Variants in STRN4 observed in about 807,000 individuals in gnomAD.
STRN4 encodes the protein striatin 4.
STRN4 carries 27 observed loss-of-function variants against 77.9 expected under a neutral mutation model. The ratio of observed to expected loss-of-function variants is 0.35; its 90% CI spans 0.26 to 0.48. The LOEUF is 0.48. STRN4 is among the 20% of genes least tolerant of loss of function. The pLI is 0.99. For missense variants in STRN4, 798 were observed against 1,049.7 expected, an observed-to-expected ratio of 0.76 and a Z score of 3.31; for synonymous variants, 466 against 443.1, an observed-to-expected ratio of 1.05 and a Z score of -0.65.
chr19:46,740,974 C>T (rs916424011), intron 1 of STRN4, among the ~76,000 whole-genome samples: 2 of 152,168 alleles, frequency 1.3e-5, no homozygotes, highest in South Asian at 4.1e-4. Context: ...TTAAGGAACT[C>T]TAAAAAAGGC....
intron 7 of STRN4, 109 bp from the exon 8 acceptor site, chr19:46,728,116 A>G (rs2054164189): frequency 1.9e-6 from 2 of 1,039,084 alleles, no homozygotes; most frequent in Admixed American, 2.0e-5. Flanking sequence ...TGGGGCTGTG[A>G]AGCTCTGGCC....
At position 46,733,593 on chromosome 19, in the gene STRN4, C is replaced by T. The variant is rs1166723872; in HGVS notation, c.540-357G>A. On this transcript the variant is annotated intron_variant, in intron 4 of 17. Transcript: ENST00000263280. This position sits in a 1 kb window ranked among gnomAD's most constrained non-coding sequence, Gnocchi z 4.3. ...CTTAAGGGAAGCTGGCCACGGTAAACAGCAGAACGAAAACGCTAAGTTCTA... is the reference window on the plus strand; with the variant it reads ...CTTAAGGGAAGCTGGCCACGGTAAATAGCAGAACGAAAACGCTAAGTTCTA... 4.2e-6 allele frequency: 1 copy of T among 239,784 alleles called. No individual in the cohort carries two copies. Among genetic ancestry groups the T allele is most frequent in the Admixed American group, 5.2e-5 (1 of 19,394 alleles). 14.9% of individuals were successfully genotyped at this position (239,784 alleles called of 1,614,324 possible). A position where few individuals can be genotyped will look rare whatever the true frequency, so the allele number is the denominator to read the frequency against.
intron 17 of STRN4, 37 bp downstream of exon 17, chr19:46,720,499 C>T (rs1046969729): frequency 3.2e-5 from 42 of 1,330,402 alleles, no homozygotes; most frequent in East Asian, 1.6e-4. Flanking sequence ...TAGGCATGGG[C>T]GTGCAGAGAC....
chr19:46,724,290 G>A (rs571270444), intron 12 of STRN4, among the ~76,000 whole-genome samples: 2 of 147,878 alleles, frequency 1.4e-5, no homozygotes, highest in Non-Finnish European at 3.0e-5. Flanking sequence ...GAGAACAGGG[G>A]GACAGATGTT....
intron 5 of STRN4, chr19:46,731,549 A>ATGCCC (rs898027322): frequency 6.5e-6 from 1 of 152,894 alleles, no homozygotes; most frequent in Non-Finnish European, 1.5e-5. Flanking sequence ...CATCAGGTTG[A>ATGCCC]TGCCCTGGAG....
intron 16 of STRN4, 196 bp from the exon 17 acceptor site, chr19:46,720,967 ATCCCCCAGCATT>A (rs1297885851): frequency 1.9e-5 from 9 of 475,830 alleles, no homozygotes; most frequent in Non-Finnish European, 2.7e-5. Flanking sequence ...AGTCCATCTC[ATCCCCCAGCATT>A]TCTTGAGCAG....
At chr19:46,726,527 G>A (rs946313677) in intron 9 of STRN4, among the ~76,000 whole-genome samples, 2 of 151,652 alleles carry the variant, frequency 1.3e-5, no homozygotes, top group Non-Finnish European at 2.9e-5. Context: ...AGGTTGAGAG[G>A]CCAGGAAGTC....
intron 14 of STRN4, 62 bp downstream of exon 14, chr19:46,722,748 G>A: frequency 6.3e-7 from 1 of 1,596,312 alleles, no homozygotes; most frequent in Non-Finnish European, 8.6e-7. Context: ...CAAAGCCCCA[G>A]GAGGAAGTGG....
At chr19:46,732,895 G>A (rs1179237084) in intron 5 of STRN4, 144 bp downstream of exon 5, 2 of 960,028 alleles carry the variant, frequency 2.1e-6, no homozygotes, top group African/African-American at 3.3e-5. Flanking sequence ...AGGGACTCAG[G>A]GTTTCAGAAC....
Position 46,724,944 on chromosome 19 carries a change from A to T in STRN4, c.1473-16T>A. Reference sequence around the variant, plus strand: ...CACTGGGCCCCTGGAAGGGACAAATATGTGGAAAGGGGGATGAGACAAGCT... The same window carrying T: ...CACTGGGCCCCTGGAAGGGACAAATTTGTGGAAAGGGGGATGAGACAAGCT... On this transcript the variant is annotated splice_polypyrimidine_tract_variant and intron_variant, in intron 11 of 17. Transcript: ENST00000263280. 1 of 1,613,762 alleles carries T rather than the reference A, an allele frequency of 6.2e-7. No individual in the cohort carries two copies. The highest frequency in any genetic ancestry group is 8.5e-7 in the Non-Finnish European group (1 of 1,179,998).
In STRN4 at chr19:46,737,654, G is replaced by A. The variant is rs1024959301; in HGVS notation, c.460+510C>T. ...CTGTGCTCTCTCCCCTGACTCTCCT[G>A]CTGGGGAACGGAGTCATCTTTCAAG... On this transcript the variant is annotated intron_variant, in intron 3 of 17. Coordinates refer to ENST00000263280, the MANE Select transcript of STRN4 (RefSeq NM_013403.3). Among the ~76,000 whole-genome samples, 7 of 151,754 alleles carry A rather than the reference G, an allele frequency of 4.6e-5. No individual in the cohort carries two copies. The East Asian group carries it at 1.4e-3, about 29-fold the overall frequency.
At chr19:46,729,151 C>T (rs1055784955) in intron 6 of STRN4, among the ~76,000 whole-genome samples, 1 of 152,190 alleles carries the variant, frequency 6.6e-6, no homozygotes, top group Non-Finnish European at 1.5e-5. Flanking sequence ...ATGAATGGAC[C>T]ACAGCATTGC....
rs1243082846 is a variant in STRN4 at position 46,746,389 on chromosome 19, G to GGCGGCGGCGGCGACC, written c.27_41dup (p.Val10_Ala14dup). 9.5e-5 allele frequency: 103 copies of GGCGGCGGCGGCGACC among 1,087,606 alleles called. No individual in the cohort carries two copies. In the African/African-American group the frequency reaches 1.0e-3, roughly 11 times the overall value. The allele number at this position is 1,087,606 out of a possible 1,614,324, so 67.4% of individuals were successfully genotyped here. ...CTGAGCCGAGCGGACGGCAGGAGGA[G>GGCGGCGGCGGCGACC]GCGGCGGCGGCGACCGCGGCGGCCG... On this transcript the variant is annotated inframe_insertion, in exon 1 of 18. Coordinates refer to ENST00000263280, the MANE Select transcript of STRN4 (RefSeq NM_013403.3).
At chr19:46,734,817 A>G (rs1158137786) in intron 4 of STRN4, among the ~76,000 whole-genome samples, 2 of 151,966 alleles carry the variant, frequency 1.3e-5, no homozygotes, top group African/African-American at 2.4e-5. Flanking sequence ...GGCACCCGCC[A>G]CCAAGCCCGG....
At chr19:46,746,127 G>C in intron 1 of STRN4, 22 bp downstream of exon 1, 2 of 1,485,988 alleles carry the variant, frequency 1.3e-6, no homozygotes, top group Non-Finnish European at 1.8e-6. Context: ...TTGGGGGTCG[G>C]GGGTCCCGGG....
chr19:46,721,053 C>T (rs538588159), intron 16 of STRN4: 11 of 349,754 alleles, frequency 3.1e-5, no homozygotes, highest in Admixed American at 9.6e-5. Flanking sequence ...CTCCCTGCCC[C>T]GCAGCACTGA....
chr19:46,724,465 G>C lies in STRN4; in HGVS notation c.1594+342C>G, dbSNP rs148728597. ...AGACCCTGGCGGATCCCCACACACA[G>C]AGTACACGGCATGGCAGAGCAGAGG... is the stretch of plus-strand genomic sequence containing the variant. On this transcript the variant is annotated intron_variant, in intron 12 of 17. Coordinates refer to ENST00000263280, the MANE Select transcript of STRN4 (RefSeq NM_013403.3). Among the ~76,000 whole-genome samples the C allele has an allele frequency of 3.9e-5, 6 of 152,312 alleles. No individual in the cohort carries two copies. The East Asian group carries it at 1.2e-3, about 29-fold the overall frequency.
At chr19:46,744,155 C>A (rs2054526362) in intron 1 of STRN4, among the ~76,000 whole-genome samples, 1 of 152,164 alleles carries the variant, frequency 6.6e-6, no homozygotes, top group Non-Finnish European at 1.5e-5. Context: ...CACTAAATTG[C>A]AGCTGGTACC....
chr19:46,728,082 C>T, intron 7 of STRN4, 75 bp from the exon 8 acceptor site: 1 of 1,330,296 alleles, frequency 7.5e-7, no homozygotes. Context: ...GCCTTCCCCA[C>T]ACTGAGGGCC....
Sources: allele counts gnomAD v4.1 joint callset (sites outside exome capture counted in the v4.1 genomes callset), GRCh38; gene constraint gnomAD v4.1.1; non-coding constraint Gnocchi (gnomAD v3.1); transcripts MANE v1.5; gene names NCBI Gene and HGNC (gene_info 2026-07-23, HGNC 2026-07-21).